Variants in PRKCQ observed in about 807,000 individuals in gnomAD.
PRKCQ encodes protein kinase C theta.
PRKCQ carries 41 observed loss-of-function variants against 91.2 expected under a neutral mutation model. The ratio of observed to expected loss-of-function variants is 0.45; its 90% CI spans 0.35 to 0.58. The LOEUF is 0.58. Among genes scored for constraint, PRKCQ ranks in the 20% least tolerant of loss-of-function variants. The probability of loss-of-function intolerance (pLI) is 0.00; values close to 1 mark genes in which losing one functional copy is unlikely to be tolerated. For synonymous variants in PRKCQ, 307 were observed against 316.9 expected (o/e 0.97, Z 0.33); for missense variants, 673 against 896.5 (o/e 0.75, Z 3.18).
chr10:6,504,252 CAT>C (rs1311861723), intron 4 of PRKCQ, among the ~76,000 whole-genome samples: 1 of 152,166 alleles, frequency 6.6e-6, no homozygotes, highest in East Asian at 1.9e-4. Context: ...CTCTCCATAA[CAT>C]AAGTGAAATT....
chr10:6,480,434 A>C (rs915299665), intron 11 of PRKCQ, among the ~76,000 whole-genome samples: 1 of 152,204 alleles, frequency 6.6e-6, no homozygotes, highest in Non-Finnish European at 1.5e-5. Context: ...ATGGCATATG[A>C]TGGAGGGTTT....
chr10:6,570,752 A>G (rs1841013586), intron 1 of PRKCQ, among the ~76,000 whole-genome samples: 1 of 152,022 alleles, frequency 6.6e-6, no homozygotes, highest in Non-Finnish European at 1.5e-5. Flanking sequence ...ACGGGGTTTC[A>G]CCGTGTTGGC....
chr10:6,488,138 A>T (rs183582042), intron 8 of PRKCQ, among the ~76,000 whole-genome samples: 1 of 152,328 alleles, frequency 6.6e-6, no homozygotes, highest in East Asian at 1.9e-4. Flanking sequence ...CTATGACATC[A>T]TGCAGTCTTA....
At chr10:6,457,785 A>G (rs778585104) in intron 14 of PRKCQ, among the ~76,000 whole-genome samples, 1 of 152,190 alleles carries the variant, frequency 6.6e-6, no homozygotes, top group Non-Finnish European at 1.5e-5. Flanking sequence ...TATTTTTCAT[A>G]GTTTCATCAC....
At chr10:6,478,390 G>T (rs1168060872) in intron 12 of PRKCQ, among the ~76,000 whole-genome samples, 1 of 152,144 alleles carries the variant, frequency 6.6e-6, no homozygotes, top group Non-Finnish European at 1.5e-5. Context: ...AGTCAGGAAA[G>T]AAAAGGATAA....
At chr10:6,453,267 A>G (rs1834809120) in intron 15 of PRKCQ, among the ~76,000 whole-genome samples, 1 of 152,212 alleles carries the variant, frequency 6.6e-6, no homozygotes, top group Non-Finnish European at 1.5e-5. Context: ...AAGGATATGA[A>G]CAGACACTTC....
Position 6,498,444 on chromosome 10 carries a change from G to C in PRKCQ, c.494C>G (p.Thr165Ser), listed in dbSNP as rs201313286. 4.5e-5 allele frequency: 73 copies of C among 1,614,198 alleles called. No homozygotes were observed. Among genetic ancestry groups the C allele is most frequent in the Middle Eastern group, 1.7e-4 (1 of 6,052 alleles). Residue 165 changes from threonine to serine, a missense_variant, in exon 5 of 18, where the codon ACC becomes AGC. Coordinates refer to ENST00000263125, the MANE Select transcript of PRKCQ (RefSeq NM_006257.5). ...HHVKCHEFTATFFPQPTFCSV... is the reference protein window; with the variant it reads ...HHVKCHEFTASFFPQPTFCSV... ...GCAAAATGTGGGCTGTGGGAAGAAG[G>C]TGGCAGTGAACTCGTGGCACTTGAC...
At chr10:6,415,448 A>ATATATG in the PRKCQ span, among the ~76,000 whole-genome samples, 2 of 103,158 alleles carry the variant, frequency 1.9e-5, no homozygotes, top group South Asian at 2.9e-4. Context: ...ATATATATAT[A>ATATATG]TATATATACA....
the PRKCQ span, among the ~76,000 whole-genome samples, chr10:6,404,255 G>GAGAGA: frequency 0.067 from 2,314 of 34,400 alleles, 270 homozygotes; most frequent in South Asian, 0.17. Flanking sequence ...GAAGGGGGGG[G>GAGAGA]GAGAGAGAGA....
downstream of PRKCQ, among the ~76,000 whole-genome samples, chr10:6,424,156 A>G (rs905741304): frequency 1.3e-5 from 2 of 152,132 alleles, no homozygotes; most frequent in East Asian, 3.8e-4. Flanking sequence ...ATTTGCGCCC[A>G]CCATCCATTC....
rs367819694 is a variant in PRKCQ at position 6,497,119 on chromosome 10, T to C, written c.576A>G (p.Gln192=). 6.2e-7 allele frequency: 1 copy of C among 1,614,062 alleles called. No homozygotes were observed. The highest frequency in any genetic ancestry group is 8.5e-7 in the Non-Finnish European group (1 of 1,179,960). ...GLNKQGYQCR[Q]CNAAIHKKCI... The stretch of plus-strand genomic sequence containing the variant: ...ACTTCTTGTGAATTGCTGCATTGCA[T>C]TCTGAAAAGAAGAAAAAAATCACAG... The change falls in exon 7 of 18, where the codon CAA becomes CAG. Residue 192 remains glutamine, a splice_region_variant and synonymous_variant. Transcript: ENST00000263125. This position sits in a 1 kb window ranked among gnomAD's most constrained non-coding sequence, Gnocchi z 4.5.
chr10:6,509,843 C>T (rs1838381159), intron 3 of PRKCQ, among the ~76,000 whole-genome samples: 1 of 152,198 alleles, frequency 6.6e-6, no homozygotes, highest in East Asian at 1.9e-4. Context: ...CTAAAGATTA[C>T]TTTAGTGATA....
the PRKCQ span, among the ~76,000 whole-genome samples, chr10:6,410,584 A>G: frequency 6.6e-6 from 1 of 152,212 alleles, no homozygotes; most frequent in East Asian, 1.9e-4. Context: ...TGGGTTTTCA[A>G]AATAGCCTGG....
chr10:6,439,857 A>G (rs1251737893), intron 16 of PRKCQ, among the ~76,000 whole-genome samples: 2 of 152,202 alleles, frequency 1.3e-5, no homozygotes, highest in Non-Finnish European at 2.9e-5. Flanking sequence ...GTCATTGCAT[A>G]GGAGGTTGGC....
intron 16 of PRKCQ, among the ~76,000 whole-genome samples, chr10:6,434,508 C>T (rs1833600830): frequency 6.6e-6 from 1 of 152,198 alleles, no homozygotes; most frequent in South Asian, 2.1e-4. Context: ...CGACTCAACC[C>T]ACTGAGGTCC....
At chr10:6,472,578 G>A (rs550051292) in intron 12 of PRKCQ, among the ~76,000 whole-genome samples, 7 of 152,336 alleles carry the variant, frequency 4.6e-5, no homozygotes, top group Admixed American at 2.6e-4. Flanking sequence ...AGATGCGACT[G>A]TGATCTGAGT....
chr10:6,430,285 C>A lies in PRKCQ; in HGVS notation c.1965+525G>T, dbSNP rs1889001. On this transcript the variant is annotated intron_variant, in intron 17 of 17. Transcript: ENST00000263125. The surrounding 1 kb of genome is among the most constrained non-coding windows in gnomAD (Gnocchi z 4.7). The stretch of plus-strand genomic sequence containing the variant: ...CATAAATGGAAATGTACAGACCTAT[C>A]TTTTTTAAAGCACGGATTTAGTTAG... Among the ~76,000 whole-genome samples, 58,303 of 152,130 alleles carry A rather than the reference C, an allele frequency of 0.38. 13,494 individuals carry two copies. Among genetic ancestry groups the A allele is most frequent in the East Asian group, 0.76 (3,932 of 5,178 alleles).
chr10:6,448,327 A>C (rs1834438221), intron 15 of PRKCQ, among the ~76,000 whole-genome samples: 1 of 152,190 alleles, frequency 6.6e-6, no homozygotes, highest in Non-Finnish European at 1.5e-5. Flanking sequence ...TTTAGGGAGA[A>C]GGTGACTGTT....
the PRKCQ span, among the ~76,000 whole-genome samples, chr10:6,400,769 C>T: frequency 6.7e-6 from 1 of 149,914 alleles, no homozygotes; most frequent in South Asian, 2.1e-4. Context: ...GTCCTGGGTG[C>T]TCGGCAGGCT....
Sources: gnomAD v4.1 joint callset for allele counts (sites outside exome capture counted in the v4.1 genomes callset) on GRCh38, gnomAD v4.1.1 for gene constraint, Gnocchi (gnomAD v3.1) non-coding constraint, MANE v1.5 for transcripts, NCBI Gene and HGNC (gene_info 2026-07-23, HGNC 2026-07-21) for gene names.